The following KCNB2 variants were observed in gnomAD, a reference collection of about 807,000 sequenced individuals.
The protein encoded by KCNB2 is potassium voltage-gated channel subfamily B member 2.
A neutral mutation model predicts 61.5 loss-of-function variants in KCNB2; 15 were observed. The observed-to-expected ratio is 0.24, with a 90% confidence interval of 0.16 to 0.38. The LOEUF is 0.38. Ranked by LOEUF, KCNB2 falls within the 10% of genes least tolerant of loss-of-function variation. The pLI is 1.00. For missense variants in KCNB2, 828 were observed against 1,125.2 expected (o/e 0.74, Z 3.78); for synonymous variants, 457 against 446.0 (o/e 1.02, Z -0.31).
chr8:72,618,591 A>C (rs1249717970), intron 2 of KCNB2: 3 of 152,502 alleles, frequency 2.0e-5, no homozygotes, highest in African/African-American at 7.2e-5. Context: ...TGATTTGATC[A>C]ATTATGACAT....
intron 2 of KCNB2, among the ~76,000 whole-genome samples, chr8:72,855,903 C>A (rs1810199158): frequency 6.6e-6 from 1 of 152,206 alleles, no homozygotes; most frequent in African/African-American, 2.4e-5. Flanking sequence ...AACCTATGCA[C>A]ACCCTCCCAT....
chr8:72,609,785 A>T (rs1339949730), intron 2 of KCNB2, among the ~76,000 whole-genome samples: 2 of 152,194 alleles, frequency 1.3e-5, no homozygotes, highest in Non-Finnish European at 2.9e-5. Flanking sequence ...TTATGTGTGC[A>T]CTTATGTAAA....
intron 2 of KCNB2, among the ~76,000 whole-genome samples, chr8:72,602,994 C>CTTT (rs980091967): frequency 2.0e-5 from 3 of 151,730 alleles, no homozygotes; most frequent in African/African-American, 7.3e-5. Flanking sequence ...GTATACAAAC[C>CTTT]TAATGTACAC....
intron 2 of KCNB2, among the ~76,000 whole-genome samples, chr8:72,841,361 C>CTTTTTTTTTTTTTTTT (rs796222096): frequency 3.0e-5 from 2 of 66,192 alleles, no homozygotes; most frequent in Non-Finnish European, 6.4e-5. Flanking sequence ...GTTTTCTTTT[C>CTTTTTTTTTTTTTTTT]TTTTTTTTTT....
Position 72,556,183 on chromosome 8 carries a change from C to T in KCNB2, c.-93-11459C>T, listed in dbSNP as rs1806423219. 2.6e-5 allele frequency among the ~76,000 whole-genome samples: 4 copies of T among 152,080 alleles called. No homozygotes were observed. In the South Asian group the frequency reaches 8.3e-4, roughly 31 times the overall value. ...AAATGTTGATGGAAATCGATAAGTT[C>T]ATGTTCCTCACCAAATGCTTTGATA... On this transcript the variant is annotated intron_variant, in intron 1 of 2. Coordinates refer to ENST00000523207, the MANE Select transcript of KCNB2 (RefSeq NM_004770.3).
At chr8:72,674,820 A>T (rs978349503) in intron 2 of KCNB2, among the ~76,000 whole-genome samples, 1 of 152,254 alleles carries the variant, frequency 6.6e-6, no homozygotes, top group Admixed American at 6.5e-5. Flanking sequence ...AAGGAAGTTC[A>T]GTAGTTGAAA....
chr8:72,591,783 C>T (rs900711131), intron 2 of KCNB2, among the ~76,000 whole-genome samples: 7 of 152,078 alleles, frequency 4.6e-5, no homozygotes, highest in South Asian at 4.1e-4. Context: ...ATCCTGTGTA[C>T]GTAGCATGGG....
At chr8:72,861,433 C>T (rs776929059) in intron 2 of KCNB2, among the ~76,000 whole-genome samples, 9 of 152,158 alleles carry the variant, frequency 5.9e-5, no homozygotes, top group Non-Finnish European at 7.3e-5. Context: ...CACCATTTCC[C>T]GAGGCTGGTC....
At chr8:72,674,382 T>C (rs1806616337) in intron 2 of KCNB2, among the ~76,000 whole-genome samples, 1 of 152,242 alleles carries the variant, frequency 6.6e-6, no homozygotes, top group South Asian at 2.1e-4. Context: ...GTTGTAAGTT[T>C]ATTTAAAGAT....
chr8:72,578,961 T>C (rs1806847215), intron 2 of KCNB2, among the ~76,000 whole-genome samples: 3 of 152,180 alleles, frequency 2.0e-5, no homozygotes, highest in Non-Finnish European at 4.4e-5. Flanking sequence ...GGCCTCATGG[T>C]GTACTTTCTG....
intron 2 of KCNB2, among the ~76,000 whole-genome samples, chr8:72,599,626 C>T (rs1807258044): frequency 6.6e-6 from 1 of 152,248 alleles, no homozygotes; most frequent in Non-Finnish European, 1.5e-5. Context: ...AGCTTCTGCA[C>T]AGCAAAAGAA....
chr8:72,690,038 TA>T (rs5892360), intron 2 of KCNB2, among the ~76,000 whole-genome samples: 656 of 148,670 alleles, frequency 4.4e-3, no homozygotes, highest in Non-Finnish European at 7.2e-3. Flanking sequence ...GCCCTCGCCA[TA>T]AAAAAAAAAA....
At chr8:72,716,681 C>T (rs1394744505) in intron 2 of KCNB2, among the ~76,000 whole-genome samples, 2 of 152,054 alleles carry the variant, frequency 1.3e-5, no homozygotes, top group Non-Finnish European at 2.9e-5. Flanking sequence ...TAAGAGCTAT[C>T]TATGACAAAC....
At chr8:72,914,967 G>C (rs2929572) in intron 2 of KCNB2, among the ~76,000 whole-genome samples, 89,065 of 150,720 alleles carry the variant, frequency 0.59, 27,574 homozygotes, top group Middle Eastern at 0.71. Flanking sequence ...TGCAGTGGCA[G>C]GATCTTGGCT....
intron 2 of KCNB2, among the ~76,000 whole-genome samples, chr8:72,719,676 C>CT (rs1388794975): frequency 6.6e-6 from 1 of 152,124 alleles, no homozygotes; most frequent in African/African-American, 2.4e-5. Context: ...AGGTTCCACA[C>CT]TTTCCTCCTT....
intron 1 of KCNB2, among the ~76,000 whole-genome samples, chr8:72,558,725 A>G (rs1183872058): frequency 6.6e-6 from 1 of 152,180 alleles, no homozygotes; most frequent in African/African-American, 2.4e-5. Context: ...GGAACTTAGA[A>G]TCTAGTGAAG....
At chr8:72,813,192 A>C (rs1809333535) in intron 2 of KCNB2, among the ~76,000 whole-genome samples, 1 of 152,198 alleles carries the variant, frequency 6.6e-6, no homozygotes, top group African/African-American at 2.4e-5. Flanking sequence ...TGGTTTCATA[A>C]AGAGAGTAGG....
intron 2 of KCNB2, among the ~76,000 whole-genome samples, chr8:72,898,912 G>A (rs1179124528): frequency 1.3e-5 from 2 of 152,048 alleles, no homozygotes; most frequent in East Asian, 3.9e-4. Context: ...TCCATTTCCT[G>A]CTTTATTTGG....
At chr8:72,584,474 A>T (rs2128980835) in intron 2 of KCNB2, among the ~76,000 whole-genome samples, 1 of 152,312 alleles carries the variant, frequency 6.6e-6, no homozygotes, top group East Asian at 1.9e-4. Flanking sequence ...TATGGAACAG[A>T]GAAAAAAACT....
Sources: gnomAD v4.1 joint callset for allele counts (sites outside exome capture counted in the v4.1 genomes callset) on GRCh38, gnomAD v4.1.1 for gene constraint, MANE v1.5 for transcripts, NCBI Gene and HGNC (gene_info 2026-07-23, HGNC 2026-07-21) for gene names.